ATP6V1E1: variants seen among roughly 807,000 people sequenced by gnomAD.
ATP6V1E1 encodes ATPase H+ transporting V1 subunit E1, also known as V-type proton ATPase subunit E 1.
A neutral mutation model predicts 35.2 loss-of-function variants in ATP6V1E1; 21 were observed. The ratio of observed to expected loss-of-function variants is 0.60; its 90% CI spans 0.42 to 0.86. ATP6V1E1 has a LOEUF of 0.86. Among genes scored for constraint, ATP6V1E1 ranks in the 40% least tolerant of loss-of-function variants. The pLI, the probability that ATP6V1E1 is intolerant of heterozygous loss-of-function variation, is 0.00. For missense variants in ATP6V1E1, 183 were observed against 272.6 expected (o/e 0.67, Z 2.32); for synonymous variants, 83 against 87.8 (o/e 0.95, Z 0.30).
chr22:17,614,076 C>T (rs923189637), intron 2 of ATP6V1E1, among the ~76,000 whole-genome samples: 6 of 151,180 alleles, frequency 4.0e-5, no homozygotes, highest in Non-Finnish European at 5.9e-5. Flanking sequence ...GTTGGCTGGG[C>T]GCAGTGGCTC....
At chr22:17,618,773 G>A (rs2057859733) in intron 2 of ATP6V1E1, among the ~76,000 whole-genome samples, 1 of 152,174 alleles carries the variant, frequency 6.6e-6, no homozygotes, top group African/African-American at 2.4e-5. Flanking sequence ...GCCCAAGCGG[G>A]TGGATCATCT....
intron 2 of ATP6V1E1, among the ~76,000 whole-genome samples, chr22:17,615,959 G>A (rs1262441990): frequency 6.6e-6 from 1 of 151,858 alleles, no homozygotes; most frequent in Non-Finnish European, 1.5e-5. Context: ...TTGAACCTGG[G>A]AGGCAGAGGT....
chr22:17,610,712 T>C (rs1321419121), intron 4 of ATP6V1E1, among the ~76,000 whole-genome samples: 1 of 152,204 alleles, frequency 6.6e-6, no homozygotes, highest in Non-Finnish European at 1.5e-5. Context: ...ACAGTTGTCA[T>C]TTTTTACTTT....
chr22:17,595,866 C>T (rs1291159686), intron 7 of ATP6V1E1, among the ~76,000 whole-genome samples: 1 of 151,864 alleles, frequency 6.6e-6, no homozygotes, highest in Non-Finnish European at 1.5e-5. Context: ...TGCGGTGGCT[C>T]ACGCCTGTAA....
intron 4 of ATP6V1E1, among the ~76,000 whole-genome samples, chr22:17,607,055 C>A (rs1388368366): frequency 6.6e-6 from 1 of 152,162 alleles, no homozygotes; most frequent in African/African-American, 2.4e-5. Flanking sequence ...TCCACATAAG[C>A]TCCTCTTCTC....
At position 17,601,142 on chromosome 22, in the gene ATP6V1E1, C is replaced by T. The variant is rs762051274; in HGVS notation, c.316G>A (p.Val106Ile). The T allele has an allele frequency of 3.7e-6, 6 of 1,613,760 alleles. No individual in the cohort carries two copies. The East Asian group carries it at 1.3e-4, about 36-fold the overall frequency. The change falls in exon 5 of 9, where the codon GTA becomes ATA. Residue 106 changes from valine (V) to isoleucine (I), a missense_variant. Physicochemically the swap from Val to Ile is conservative, Grantham distance 29. Transcript: ENST00000253413. ...ACTTGGTACCTGGTTGTATCTTTTA[C>T]CACCTTGCTGAGTCTCTGTTTTGCT... Reference protein sequence around the residue: ...NEAKQRLSKVVKDTTRYQVLL... With the variant: ...NEAKQRLSKVIKDTTRYQVLL...
intron 4 of ATP6V1E1, among the ~76,000 whole-genome samples, chr22:17,606,192 T>G (rs2057786211): frequency 6.6e-6 from 1 of 152,204 alleles, no homozygotes. Flanking sequence ...AACTTGCCTA[T>G]TTTCTTTTAA....
At chr22:17,616,803 C>T (rs2057848025) in intron 2 of ATP6V1E1, among the ~76,000 whole-genome samples, 1 of 65,282 alleles carries the variant, frequency 1.5e-5, no homozygotes, top group African/African-American at 6.9e-5. Flanking sequence ...AATCCCAGCA[C>T]TTTGGGAGGC....
chr22:17,626,307 CAAAAAAA>C (rs928655426), intron 1 of ATP6V1E1, among the ~76,000 whole-genome samples: 4 of 61,978 alleles, frequency 6.5e-5, no homozygotes, highest in South Asian at 1.1e-3. Context: ...GACTTCGTCT[CAAAAAAA>C]AAAAAAAAAA....
intron 7 of ATP6V1E1, 44 bp downstream of exon 7, chr22:17,598,149 TC>T (rs1323530724): frequency 6.7e-7 from 1 of 1,496,100 alleles, no homozygotes; most frequent in Non-Finnish European, 9.3e-7. Context: ...AAGGCCACTC[TC>T]CCAGGGAGAG....
At chr22:17,619,109 C>T (rs549207244) in intron 2 of ATP6V1E1, 15 of 451,300 alleles carry the variant, frequency 3.3e-5, no homozygotes, top group Non-Finnish European at 5.7e-5. Context: ...CTGGCCAACA[C>T]GGTGAAACCC....
intron 4 of ATP6V1E1, among the ~76,000 whole-genome samples, chr22:17,603,179 A>G (rs963146888): frequency 6.6e-6 from 1 of 151,726 alleles, no homozygotes; most frequent in Non-Finnish European, 1.5e-5. Flanking sequence ...TGAACTCCTG[A>G]CCTCAAGTGA....
chr22:17,608,239 G>C (rs2077812973), intron 4 of ATP6V1E1, among the ~76,000 whole-genome samples: 1 of 152,164 alleles, frequency 6.6e-6, no homozygotes, highest in Non-Finnish European at 1.5e-5. Flanking sequence ...CATGAAAACA[G>C]AAGAGTGACA....
At chr22:17,597,102 C>T (rs543518446) in intron 7 of ATP6V1E1, among the ~76,000 whole-genome samples, 7 of 151,960 alleles carry the variant, frequency 4.6e-5, no homozygotes, top group South Asian at 2.1e-4. Context: ...ATTAGCTGGG[C>T]GTGGTGGCAG....
At chr22:17,599,551 T>C (rs1420419092) in intron 6 of ATP6V1E1, among the ~76,000 whole-genome samples, 2 of 117,130 alleles carry the variant, frequency 1.7e-5, no homozygotes, top group Admixed American at 1.0e-4. Flanking sequence ...CACTCCAGCC[T>C]GGGAAATGAG....
At chr22:17,611,297 T>G (rs1452969413) in intron 4 of ATP6V1E1, among the ~76,000 whole-genome samples, 1 of 152,240 alleles carries the variant, frequency 6.6e-6, no homozygotes, top group African/African-American at 2.4e-5. Context: ...CAGGAAACTC[T>G]TGACTCTTTC....
At position 17,628,748 on chromosome 22, in the gene ATP6V1E1, A is replaced by G. The variant is rs998121400; in HGVS notation, c.-113T>C. ...CGCAGATCTCGGGTTCCTTTACTTT[A>G]TAACCGCGGGTTCCGGTTCCTGCCA... is the stretch of plus-strand genomic sequence containing the variant. On this transcript the variant is annotated 5_prime_UTR_variant, in exon 1 of 9. Coordinates refer to ENST00000253413, the MANE Select transcript of ATP6V1E1 (RefSeq NM_001696.4). 4 of 1,461,298 alleles carry G rather than the reference A, an allele frequency of 2.7e-6. No homozygotes were observed. The highest frequency in any genetic ancestry group is 3.8e-6 in the Non-Finnish European group (4 of 1,044,930). 90.5% of individuals were successfully genotyped at this position (1,461,298 alleles called of 1,614,324 possible). A position where few individuals can be genotyped will look rare whatever the true frequency, so the allele number is the denominator to read the frequency against.
At chr22:17,602,854 A>C (rs1223264055) in intron 4 of ATP6V1E1, among the ~76,000 whole-genome samples, 1 of 152,256 alleles carries the variant, frequency 6.6e-6, no homozygotes, top group Admixed American at 6.5e-5. Flanking sequence ...TCAATGAATC[A>C]TACTTTCACT....
intron 4 of ATP6V1E1, among the ~76,000 whole-genome samples, chr22:17,603,106 C>T (rs5992077): frequency 0.35 from 52,578 of 151,702 alleles, 9,385 homozygotes; most frequent in African/African-American, 0.41. Context: ...TGCGCCACCT[C>T]ACCCAGCTAA....
Sources: gnomAD v4.1 joint callset for allele counts (sites outside exome capture counted in the v4.1 genomes callset) on GRCh38, gnomAD v4.1.1 for gene constraint, MANE v1.5 for transcripts, NCBI Gene and HGNC (gene_info 2026-07-23, HGNC 2026-07-21) for gene names.